STAMBP: variants seen among roughly 807,000 people sequenced by gnomAD.
STAMBP encodes STAM binding protein.
In STAMBP, 31 loss-of-function variants were observed where a neutral mutation model predicts 50.7. That is an observed-to-expected ratio of 0.61 (90% CI 0.46 to 0.83). The LOEUF (loss-of-function observed/expected upper bound fraction) is 0.83. STAMBP is among the 40% of genes least tolerant of loss of function. The pLI, the probability that STAMBP is intolerant of heterozygous loss-of-function variation, is 0.00. For synonymous variants in STAMBP, 211 were observed against 192.4 expected (o/e 1.10, Z -0.80); for missense variants, 472 against 518.9 (o/e 0.91, Z 0.88).
At chr2:73,834,237 ATATATAT>A (rs1366175361) in intron 2 of STAMBP, among the ~76,000 whole-genome samples, 33 of 11,186 alleles carry the variant, frequency 3.0e-3, no homozygotes, top group South Asian at 0.014. Flanking sequence ...AAAAAAAAAA[ATATATAT>A]ATATATATAT....
chr2:73,843,297 G>A (rs948436627), intron 2 of STAMBP, among the ~76,000 whole-genome samples: 11 of 147,788 alleles, frequency 7.4e-5, no homozygotes, highest in Non-Finnish European at 1.3e-4. Context: ...TTCTGGGATC[G>A]AGAGATCCTC....
At chr2:73,853,583 A>T (rs1431764563) in intron 7 of STAMBP, among the ~76,000 whole-genome samples, 2 of 152,178 alleles carry the variant, frequency 1.3e-5, no homozygotes. Flanking sequence ...TTAGCTGGAC[A>T]TGGTGGCGCA....
Position 73,834,258 on chromosome 2 carries a change from T to A in STAMBP, c.203+3199T>A, listed in dbSNP as rs1387277703. On this transcript the variant is annotated intron_variant, in intron 2 of 9. Coordinates refer to ENST00000394070, the MANE Select transcript of STAMBP (RefSeq NM_213622.4). ...AAAAATATATATATATATATATATA[T>A]ATATATATATATATATATATATATA... Among the ~76,000 whole-genome samples, 44 of 63,472 alleles carry A rather than the reference T, an allele frequency of 6.9e-4. 2 individuals are homozygous for A. Among genetic ancestry groups the A allele is most frequent in the Middle Eastern group, 0.011 (1 of 92 alleles). 41.6% of individuals were successfully genotyped at this position (63,472 alleles called of 152,430 possible).
Position 73,834,263 on chromosome 2 carries a change from AT to A in STAMBP, c.203+3205del, listed in dbSNP as rs1674435672. On this transcript the variant is annotated intron_variant, in intron 2 of 9. Transcript: ENST00000394070. ...TATATATATATATATATATATATAT[AT>A]ATATATATATATATATATATATAAA... Among the ~76,000 whole-genome samples, 2 of 105,318 alleles carry A rather than the reference AT, an allele frequency of 1.9e-5. 1 individual carries two copies. 69.1% of individuals were successfully genotyped at this position (105,318 alleles called of 152,430 possible).
chr2:73,869,300 C>T (rs1395470324), downstream of STAMBP, among the ~76,000 whole-genome samples: 1 of 152,064 alleles, frequency 6.6e-6, no homozygotes. Flanking sequence ...ATATAAAATA[C>T]TTTGGAACAA....
At chr2:73,845,481 A>G (rs929817234) in intron 4 of STAMBP, among the ~76,000 whole-genome samples, 1 of 152,212 alleles carries the variant, frequency 6.6e-6, no homozygotes, top group African/African-American at 2.4e-5. Context: ...GAGGGACAGA[A>G]AATCTGTCGC....
Position 73,850,427 on chromosome 2 carries a change from G to A in STAMBP, c.919G>A (p.Gly307Arg), listed in dbSNP as rs1676667789. 6.2e-7 allele frequency: 1 copy of A among 1,613,706 alleles called. No homozygotes were observed. Among genetic ancestry groups the A allele is most frequent in the Non-Finnish European group, 8.5e-7 (1 of 1,179,946 alleles). Residue 307 changes from glycine (G) to arginine (R), a missense_variant, in exon 7 of 10, where the codon GGG becomes AGG. Transcript: ENST00000394070. This position sits in a 1 kb window ranked among gnomAD's most constrained non-coding sequence, Gnocchi z 4.3. ...THVLIPKQSAGSDYCNTENEE... is the reference protein window; with the variant it reads ...THVLIPKQSARSDYCNTENEE... Reference sequence around the variant, plus strand: ...TGTTCTCATCCCCAAGCAAAGTGCTGGGTCTGATTACTGCAACACAGAGAA... The same window carrying A: ...TGTTCTCATCCCCAAGCAAAGTGCTAGGTCTGATTACTGCAACACAGAGAA...
At chr2:73,836,654 G>C (rs1251249512) in intron 2 of STAMBP, among the ~76,000 whole-genome samples, 1 of 152,258 alleles carries the variant, frequency 6.6e-6, no homozygotes, top group Non-Finnish European at 1.5e-5. Flanking sequence ...AGAGACTAGA[G>C]GCTGGGAGGG....
intron 2 of STAMBP, among the ~76,000 whole-genome samples, chr2:73,834,221 AAAAAAAAAAAAAAAAATATATATATAT>A (rs1404096570): frequency 3.7e-4 from 8 of 21,692 alleles, no homozygotes; most frequent in African/African-American, 1.3e-3. Context: ...AAAAAAAAAA[AAAAAAAAAAAAAAAAATATATATATAT>A]ATATATATAT....
rs994500155 is a variant in STAMBP at position 73,862,447 on chromosome 2, C to T, written c.*188C>T. On this transcript the variant is annotated 3_prime_UTR_variant, in exon 10 of 10. Transcript: ENST00000394070. ...AACTGAACATATTTTTTAGGCAAGT[C>T]AGAAAGAGAACATGGTCACCCAAAA... 1 of 425,102 alleles carries T rather than the reference C, an allele frequency of 2.4e-6. No homozygotes were observed. 26.3% of individuals were successfully genotyped at this position (425,102 alleles called of 1,614,324 possible). A position where few individuals can be genotyped will look rare whatever the true frequency, so the allele number is the denominator to read the frequency against.
intron 2 of STAMBP, among the ~76,000 whole-genome samples, chr2:73,838,967 TG>T (rs1353969576): frequency 6.6e-6 from 1 of 152,242 alleles, no homozygotes; most frequent in Non-Finnish European, 1.5e-5. Flanking sequence ...GTCTGTTTTC[TG>T]TTGTATTTTA....
chr2:73,836,680 G>A (rs770267680), intron 2 of STAMBP, among the ~76,000 whole-genome samples: 38 of 152,366 alleles, frequency 2.5e-4, no homozygotes, highest in East Asian at 7.7e-4. Context: ...AGTGGCCGCC[G>A]GCTGGGGAAC....
intron 7 of STAMBP, among the ~76,000 whole-genome samples, chr2:73,853,294 G>A (rs1209546359): frequency 2.0e-5 from 3 of 152,204 alleles, no homozygotes; most frequent in Non-Finnish European, 2.9e-5. Flanking sequence ...CTAGAGGAAA[G>A]GAGAAACATG....
At chr2:73,843,322 C>G (rs1286539034) in intron 2 of STAMBP, among the ~76,000 whole-genome samples, 1 of 149,114 alleles carries the variant, frequency 6.7e-6, no homozygotes, top group East Asian at 1.9e-4. Context: ...CTCAGCCTCC[C>G]AAGCAGCTGG....
intron 7 of STAMBP, among the ~76,000 whole-genome samples, chr2:73,854,412 G>A (rs946796320): frequency 6.6e-6 from 1 of 152,224 alleles, no homozygotes; most frequent in African/African-American, 2.4e-5. Flanking sequence ...TTAAGTATCA[G>A]TGAGGGTCCA....
At chr2:73,859,976 T>C in intron 8 of STAMBP, 76 bp from the exon 9 acceptor site, 1 of 963,380 alleles carries the variant, frequency 1.0e-6, no homozygotes, top group Non-Finnish European at 1.7e-6. Context: ...TGCATGCTGG[T>C]GTGTGTGTGC....
chr2:73,844,931 G>A lies in STAMBP; in HGVS notation c.279+43G>A, dbSNP rs7599414. The A allele has an allele frequency of 1.9e-3, 3,106 of 1,605,874 alleles. 41 individuals carry two copies. In the African/African-American group the frequency reaches 0.034, roughly 18 times the overall value. On this transcript the variant is annotated intron_variant, in intron 3 of 9. Transcript: ENST00000394070. ...TTGTTGCCCATCTAAAAGCTTCAGA[G>A]CAGCACAGACTGACTTCAAGATAAA... is the stretch of plus-strand genomic sequence containing the variant.
rs1182813669 is a variant in STAMBP at position 73,865,636 on chromosome 2, G to A, written c.*3377G>A. ...TAAATTTCTTTAAAATCTGTAAAAT[G>A]GGATCAGTCTAATATGCCTACCTCA... On this transcript the variant is annotated 3_prime_UTR_variant, in exon 10 of 10. Coordinates refer to ENST00000394070, the MANE Select transcript of STAMBP (RefSeq NM_213622.4). 6.6e-6 allele frequency: 1 copy of A among 152,198 alleles called. No individual in the cohort carries two copies. Among genetic ancestry groups the A allele is most frequent in the Non-Finnish European group, 1.5e-5 (1 of 68,042 alleles). 9.4% of individuals were successfully genotyped at this position (152,198 alleles called of 1,614,324 possible). A position where few individuals can be genotyped will look rare whatever the true frequency, so the allele number is the denominator to read the frequency against.
At position 73,829,050 on chromosome 2, in the gene STAMBP, C is replaced by G. The variant is rs148932286; in HGVS notation, c.-473C>G. 0.011 allele frequency: 1,747 copies of G among 152,376 alleles called. 25 individuals are homozygous for G. The highest frequency in any genetic ancestry group is 0.024 in the Middle Eastern group (7 of 296). The allele number at this position is 152,376 out of a possible 1,614,324, so 9.4% of individuals were successfully genotyped here. ...GGCAGGGCCTCCGAGCGTGGTTGGACTTTGAAGGGGATCGGCCGCCGTGAG... is the reference window on the plus strand; with the variant it reads ...GGCAGGGCCTCCGAGCGTGGTTGGAGTTTGAAGGGGATCGGCCGCCGTGAG... On this transcript the variant is annotated 5_prime_UTR_variant, in exon 1 of 10. Transcript: ENST00000394070.
Sources: gnomAD v4.1 joint callset for allele counts (sites outside exome capture counted in the v4.1 genomes callset) on GRCh38, gnomAD v4.1.1 for gene constraint, Gnocchi (gnomAD v3.1) non-coding constraint, MANE v1.5 for transcripts, NCBI Gene and HGNC (gene_info 2026-07-23, HGNC 2026-07-21) for gene names.